Variants in PCSK2 observed in about 807,000 individuals in gnomAD.
PCSK2 encodes the protein proprotein convertase subtilisin/kexin type 2, also known as neuroendocrine convertase 2.
PCSK2 carries 14 observed loss-of-function variants against 69.7 expected under a neutral mutation model. That is an observed-to-expected ratio of 0.20 (90% confidence interval 0.13 to 0.31). PCSK2 has a LOEUF of 0.31. Ranked by LOEUF, PCSK2 falls within the 10% of genes least tolerant of loss-of-function variation. The pLI, the probability that PCSK2 is intolerant of heterozygous loss-of-function variation, is 1.00. For missense variants in PCSK2, 544 were observed against 842.5 expected, an observed-to-expected ratio of 0.65 and a Z score of 4.39; for synonymous variants, 307 against 320.7, an observed-to-expected ratio of 0.96 and a Z score of 0.46.
chr20:17,267,948 G>A (rs926138975), intron 2 of PCSK2, among the ~76,000 whole-genome samples: 35 of 150,426 alleles, frequency 2.3e-4, no homozygotes, highest in African/African-American at 8.5e-4. Flanking sequence ...TGTTTGAAGG[G>A]CAAAATTCTC....
At chr20:17,393,199 A>G (rs569088240) in intron 5 of PCSK2, among the ~76,000 whole-genome samples, 1 of 152,324 alleles carries the variant, frequency 6.6e-6, no homozygotes, top group African/African-American at 2.4e-5. Flanking sequence ...AGACCAGAAC[A>G]TCACTTGCCC....
Position 17,297,112 on chromosome 20 carries a change from C to T in PCSK2, c.282+36768C>T, listed in dbSNP as rs190346177. ...ACGTTTAAGCAGAGAAGTTAGTAAA[C>T]AGGGTATTGTATGCAGTGGGGACAG... On this transcript the variant is annotated intron_variant, in intron 2 of 11. Transcript: ENST00000262545. Among the ~76,000 whole-genome samples the T allele has an allele frequency of 1.9e-4, 29 of 152,210 alleles. No individual in the cohort carries two copies. In the East Asian group the frequency reaches 5.0e-3, roughly 26 times the overall value.
chr20:17,389,029 A>G (rs1381557900), intron 5 of PCSK2, among the ~76,000 whole-genome samples: 1 of 152,166 alleles, frequency 6.6e-6, no homozygotes, highest in Non-Finnish European at 1.5e-5. Flanking sequence ...ATTGTACCAG[A>G]GTTGGGGTTT....
At chr20:17,444,636 G>A (rs949694608) in intron 8 of PCSK2, among the ~76,000 whole-genome samples, 2 of 152,130 alleles carry the variant, frequency 1.3e-5, no homozygotes, top group African/African-American at 4.8e-5. Flanking sequence ...GGCAAGATTT[G>A]GGATCAAGTA....
chr20:17,362,480 G>A (rs1280525070), intron 4 of PCSK2, among the ~76,000 whole-genome samples: 1 of 152,198 alleles, frequency 6.6e-6, no homozygotes, highest in African/African-American at 2.4e-5. Context: ...GAGTCAGAAG[G>A]AAGTTGACCC....
At chr20:17,291,410 A>G (rs1446435500) in intron 2 of PCSK2, among the ~76,000 whole-genome samples, 1 of 152,176 alleles carries the variant, frequency 6.6e-6, no homozygotes, top group Non-Finnish European at 1.5e-5. Flanking sequence ...TTTACAGACA[A>G]ATGATATTCC....
chr20:17,277,451 A>C (rs531096830), intron 2 of PCSK2, among the ~76,000 whole-genome samples: 2 of 152,356 alleles, frequency 1.3e-5, no homozygotes, highest in South Asian at 4.1e-4. Flanking sequence ...CAAACCTGAC[A>C]AAAACAAGCA....
chr20:17,385,845 C>T (rs894897171), intron 5 of PCSK2, among the ~76,000 whole-genome samples: 7 of 152,186 alleles, frequency 4.6e-5, no homozygotes, highest in Admixed American at 2.0e-4. Context: ...TGAGTTAGAA[C>T]ACATGAAGGA....
chr20:17,428,052 T>C (rs531493781), intron 6 of PCSK2, among the ~76,000 whole-genome samples: 57 of 152,358 alleles, frequency 3.7e-4, no homozygotes, highest in African/African-American at 1.3e-3. Context: ...TATGGCTGAT[T>C]GCTAATTAGT....
chr20:17,240,502 C>T (rs73253490), intron 1 of PCSK2, among the ~76,000 whole-genome samples: 7 of 152,212 alleles, frequency 4.6e-5, no homozygotes, highest in East Asian at 1.9e-4. Context: ...CTCAGGAGAG[C>T]GGTGCCTGAA....
At chr20:17,253,285 G>A (rs540992843) in intron 1 of PCSK2, among the ~76,000 whole-genome samples, 13 of 152,150 alleles carry the variant, frequency 8.5e-5, no homozygotes, top group Non-Finnish European at 1.9e-4. Flanking sequence ...GCAAAGTTGT[G>A]CAATCATTAC....
At chr20:17,417,461 T>C (rs753194645) in intron 6 of PCSK2, among the ~76,000 whole-genome samples, 1 of 152,190 alleles carries the variant, frequency 6.6e-6, no homozygotes, top group Non-Finnish European at 1.5e-5. Context: ...ATGGGTTCTT[T>C]TCAATTATCA....
chr20:17,385,256 G>A (rs978256386), intron 5 of PCSK2, among the ~76,000 whole-genome samples: 2 of 152,162 alleles, frequency 1.3e-5, no homozygotes, highest in Non-Finnish European at 2.9e-5. Context: ...AAATGGTTTT[G>A]TTAGAAACTT....
chr20:17,402,943 C>G (rs1252486205), intron 5 of PCSK2, among the ~76,000 whole-genome samples: 1 of 151,304 alleles, frequency 6.6e-6, no homozygotes, highest in Non-Finnish European at 1.5e-5. Context: ...GGCGACAGAG[C>G]GAGACTCCGT....
chr20:17,473,778 C>G (rs2033244878), intron 11 of PCSK2, among the ~76,000 whole-genome samples: 1 of 152,190 alleles, frequency 6.6e-6, no homozygotes, highest in Non-Finnish European at 1.5e-5. Context: ...TGTTCTTTCT[C>G]TACCAAGTTC....
chr20:17,396,987 G>A (rs113437656), intron 5 of PCSK2, among the ~76,000 whole-genome samples: 8 of 152,124 alleles, frequency 5.3e-5, no homozygotes, highest in African/African-American at 1.7e-4. Flanking sequence ...TCATGAATTC[G>A]AATCTGCTTC....
intron 2 of PCSK2, among the ~76,000 whole-genome samples, chr20:17,303,552 A>ATATTATATT (rs1432746786): frequency 2.0e-5 from 1 of 50,436 alleles, no homozygotes; most frequent in Non-Finnish European, 4.0e-5. Context: ...AATATGATAT[A>ATATTATATT]ATATATATTA....
intron 2 of PCSK2, among the ~76,000 whole-genome samples, chr20:17,271,120 C>T (rs1163849014): frequency 2.6e-5 from 4 of 152,064 alleles, no homozygotes; most frequent in Admixed American, 2.6e-4. Flanking sequence ...AGGGCTTTTT[C>T]TTTAAACCAA....
intron 5 of PCSK2, among the ~76,000 whole-genome samples, chr20:17,407,306 A>G (rs2031774438): frequency 6.6e-6 from 1 of 151,976 alleles, no homozygotes; most frequent in Non-Finnish European, 1.5e-5. Context: ...CTGAGTGGCC[A>G]CTCGTGCTGG....
Sources: allele counts gnomAD v4.1 joint callset (sites outside exome capture counted in the v4.1 genomes callset), GRCh38; gene constraint gnomAD v4.1.1; transcripts MANE v1.5; gene names NCBI Gene and HGNC (gene_info 2026-07-23, HGNC 2026-07-21).